The following SRARP variants were observed in gnomAD, a reference collection of about 807,000 sequenced individuals.
SRARP encodes the protein steroid receptor associated and regulated protein.
SRARP carries 5 observed loss-of-function variants against 3.6 expected under a neutral mutation model. That is an observed-to-expected ratio of 1.39 (90% CI 0.73 to 2.93). SRARP has a LOEUF of 2.93. SRARP is among the 30% of genes most tolerant of loss of function. The probability of loss-of-function intolerance (pLI) is 0.00; values close to 1 mark genes in which losing one functional copy is unlikely to be tolerated. For synonymous variants in SRARP, 96 were observed against 91.6 expected, an observed-to-expected ratio of 1.05 and a Z score of -0.27; for missense variants, 215 against 216.7, an observed-to-expected ratio of 0.99 and a Z score of 0.05.
Position 16,006,088 on chromosome 1 carries a change from CTG to C in SRARP, c.255_256del (p.Cys85TrpfsTer51). The C allele has an allele frequency of 1.2e-6, 2 of 1,613,962 alleles. No individual in the cohort carries two copies. The highest frequency in any genetic ancestry group is 2.2e-5 in the South Asian group (2 of 91,012). On this transcript the variant is annotated frameshift_variant, in exon 2 of 2. Coordinates refer to ENST00000329454, the MANE Select transcript of SRARP (RefSeq NM_178840.4). LOFTEE classifies it low-confidence loss of function (END_TRUNC). ...CACCAATGAAGACCTACATCGTGTT[CTG>C]TGGGGAAAACTGGCCCCATCTGACT... ...TPPMKTYIVF[C>X]GENWPHLTRV...
intron 1 of SRARP, 23 bp downstream of exon 1, chr1:16,004,408 C>T: frequency 6.4e-7 from 1 of 1,562,916 alleles, no homozygotes; most frequent in East Asian, 2.3e-5. Context: ...AAAGGGACCC[C>T]AGCCCCACAG....
intron 1 of SRARP, 59 bp from the exon 2 acceptor site, chr1:16,005,860 T>G: frequency 6.9e-7 from 1 of 1,452,406 alleles, no homozygotes; most frequent in Non-Finnish European, 9.3e-7. Context: ...AGACCCTGTC[T>G]CAGGGGAAAA....
chr1:16,004,488 G>A (rs959721655), intron 1 of SRARP, 103 bp downstream of exon 1: 6 of 1,035,544 alleles, frequency 5.8e-6, no homozygotes, highest in African/African-American at 1.6e-5. Flanking sequence ...GCCGAAGCGG[G>A]CAGATCATGA....
intron 1 of SRARP, 54 bp downstream of exon 1, chr1:16,004,439 G>A: frequency 6.8e-7 from 1 of 1,460,434 alleles, no homozygotes; most frequent in Non-Finnish European, 9.4e-7. Flanking sequence ...TGGGGGCCAG[G>A]TGCGGTGCCT....
In SRARP at chr1:16,004,320, A is replaced by T; in HGVS notation, c.17A>T (p.Asp6Val). 6.2e-7 allele frequency: 1 copy of T among 1,606,414 alleles called. No individual in the cohort carries two copies. The highest frequency in any genetic ancestry group is 8.5e-7 in the Non-Finnish European group (1 of 1,177,042). Reference sequence around the variant, plus strand: ...AGTAGCCGCATGGCCCCGTCAGAAGACCCCAGGGACTGGAGAGCCAACCTC... The same window carrying T: ...AGTAGCCGCATGGCCCCGTCAGAAGTCCCCAGGGACTGGAGAGCCAACCTC... MAPSE[D>V]PRDWRANLKG... Residue 6 changes from aspartate (D) to valine (V), a missense_variant, in exon 1 of 2, where the codon GAC becomes GTC. Physicochemically the swap from Asp to Val is radical, Grantham distance 152. Transcript: ENST00000329454.
Position 16,004,280 on chromosome 1 carries a change from C to A in SRARP, c.-24C>A. Reference sequence around the variant, plus strand: ...TAGGACAGCTCCTCTCCTGCCAGAGCTAGGCAGGCGCCGAAGTAGCCGCAT... The same window carrying A: ...TAGGACAGCTCCTCTCCTGCCAGAGATAGGCAGGCGCCGAAGTAGCCGCAT... On this transcript the variant is annotated 5_prime_UTR_variant, in exon 1 of 2. Transcript: ENST00000329454. 2 of 1,561,698 alleles carry A rather than the reference C, an allele frequency of 1.3e-6. No homozygotes were observed. Among genetic ancestry groups the A allele is most frequent in the Non-Finnish European group, 1.7e-6 (2 of 1,146,930 alleles).
At chr1:16,005,085 C>T (rs1459686734) in intron 1 of SRARP, among the ~76,000 whole-genome samples, 1 of 152,140 alleles carries the variant, frequency 6.6e-6, no homozygotes, top group Non-Finnish European at 1.5e-5. Context: ...GCAAATGCCA[C>T]CAGGTACTGA....
intron 1 of SRARP, among the ~76,000 whole-genome samples, chr1:16,005,165 C>T (rs2073119928): frequency 7.9e-5 from 12 of 152,116 alleles, no homozygotes; most frequent in Admixed American, 7.9e-4. Context: ...CCCTGAGACC[C>T]ACCAACACTT....
rs1011370704 is a variant in SRARP at position 16,006,456 on chromosome 1, T to C, written c.*110T>C. The C allele has an allele frequency of 6.5e-6, 8 of 1,224,534 alleles. No homozygotes were observed. The highest frequency in any genetic ancestry group is 9.0e-6 in the Non-Finnish European group (8 of 891,404). 75.9% of individuals were successfully genotyped at this position (1,224,534 alleles called of 1,614,324 possible). A position where few individuals can be genotyped will look rare whatever the true frequency, so the allele number is the denominator to read the frequency against. On this transcript the variant is annotated 3_prime_UTR_variant, in exon 2 of 2. Transcript: ENST00000329454. The stretch of plus-strand genomic sequence containing the variant: ...CTTGAGCCAAGGAAACATCATTAGA[T>C]CCGCTAAGGGGCATCTGAAACATCC...
intron 1 of SRARP, 119 bp downstream of exon 1, chr1:16,004,504 G>C (rs1206205547): frequency 2.4e-6 from 2 of 819,750 alleles, no homozygotes; most frequent in African/African-American, 3.5e-5. Context: ...CATGAGGTCA[G>C]GAGTTCGAGA....
At chr1:16,005,699 C>T (rs1246762181) in intron 1 of SRARP, among the ~76,000 whole-genome samples, 1 of 152,024 alleles carries the variant, frequency 6.6e-6, no homozygotes. Flanking sequence ...ATAGGGAAAC[C>T]TCATCTCTAC....
Position 16,007,835 on chromosome 1 carries a change from T to C in SRARP, c.*1489T>C, listed in dbSNP as rs959946399. The C allele has an allele frequency of 1.3e-5, 2 of 152,240 alleles. No individual in the cohort carries two copies. Among genetic ancestry groups the C allele is most frequent in the Non-Finnish European group, 2.9e-5 (2 of 68,042 alleles). 9.4% of individuals were successfully genotyped at this position (152,240 alleles called of 1,614,324 possible). On this transcript the variant is annotated 3_prime_UTR_variant, in exon 2 of 2. Transcript: ENST00000329454. ...TTTACTCTGTGTCAGAGAAACAACA[T>C]GGGCACTGTATTTGTGACCATTTTA... is the stretch of plus-strand genomic sequence containing the variant.
chr1:16,006,304 A>G lies in SRARP; in HGVS notation c.468A>G (p.Ser156=), dbSNP rs202237619. The G allele has an allele frequency of 3.7e-5, 60 of 1,610,700 alleles. No individual in the cohort carries two copies. The highest frequency in any genetic ancestry group is 4.7e-5 in the Non-Finnish European group (56 of 1,179,262). ...RSSTWGTVKD[S]LKALSSCVCG... is the part of the protein sequence containing the mutation. The stretch of plus-strand genomic sequence containing the variant: ...CAACTTGGGGAACAGTCAAGGACTC[A>G]CTGAAAGCCCTCTCCTCTTGTGTCT... Residue 156 remains serine, a synonymous_variant, in exon 2 of 2, where the codon TCA becomes TCG. Coordinates refer to ENST00000329454, the MANE Select transcript of SRARP (RefSeq NM_178840.4).
intron 1 of SRARP, among the ~76,000 whole-genome samples, chr1:16,005,547 AC>A (rs2148835008): frequency 6.6e-6 from 1 of 152,240 alleles, no homozygotes; most frequent in South Asian, 2.1e-4. Flanking sequence ...ATCCAGTTGA[AC>A]CCTATCGAAT....
In SRARP at chr1:16,006,496, G is replaced by A; in HGVS notation, c.*150G>A. On this transcript the variant is annotated 3_prime_UTR_variant, in exon 2 of 2. Transcript: ENST00000329454. ...CTGAAACATCCGTCGAGTGGCAGAG[G>A]CAGGATAAGTCACCTGCACATGAAG... is the stretch of plus-strand genomic sequence containing the variant. The A allele has an allele frequency of 1.2e-6, 1 of 849,170 alleles. No homozygotes were observed. The highest frequency in any genetic ancestry group is 1.8e-6 in the Non-Finnish European group (1 of 559,682). 52.6% of individuals were successfully genotyped at this position (849,170 alleles called of 1,614,324 possible).
At position 16,008,124 on chromosome 1, in the gene SRARP, G is replaced by C. The variant is rs1466418399; in HGVS notation, c.*1778G>C. The C allele has an allele frequency of 6.6e-6, 1 of 152,270 alleles. No individual in the cohort carries two copies. The highest frequency in any genetic ancestry group is 1.5e-5 in the Non-Finnish European group (1 of 68,082). 9.4% of individuals were successfully genotyped at this position (152,270 alleles called of 1,614,324 possible). On this transcript the variant is annotated 3_prime_UTR_variant, in exon 2 of 2. Transcript: ENST00000329454. Reference sequence around the variant, plus strand: ...ACAATTGCCATAGCTTCTGAGAAGTGCAACAGTAAGGGCAACACAGAATGA... The same window carrying C: ...ACAATTGCCATAGCTTCTGAGAAGTCCAACAGTAAGGGCAACACAGAATGA...
At position 16,006,240 on chromosome 1, in the gene SRARP, C is replaced by A. The variant is rs760325159; in HGVS notation, c.404C>A (p.Ala135Asp). The change falls in exon 2 of 2, where the codon GCT becomes GAT. Residue 135 changes from alanine to aspartate, a missense_variant. Coordinates refer to ENST00000329454, the MANE Select transcript of SRARP (RefSeq NM_178840.4). ...CTCTGCCCCCAGGAGGTTCCCGAGG[C>A]TAAGGGGAAACCCGTGAAGGCTGCG... is the stretch of plus-strand genomic sequence containing the variant. ...SPLCPQEVPE[A>D]KGKPVKAAPV... The A allele has an allele frequency of 1.4e-5, 22 of 1,613,530 alleles. No individual in the cohort carries two copies. Among genetic ancestry groups the A allele is most frequent in the Non-Finnish European group, 1.9e-5 (22 of 1,180,044 alleles).
At position 16,005,912 on chromosome 1, in the gene SRARP, C is replaced by T. The variant is rs2073124258; in HGVS notation, c.83-7C>T. The T allele has an allele frequency of 6.4e-7, 1 of 1,562,316 alleles. No homozygotes were observed. The highest frequency in any genetic ancestry group is 1.4e-5 in the African/African-American group (1 of 73,078). ...GTGCTAACTTTTGGTCTTTTCCTCT[C>T]TTCTAGGTGGGAAGCTGGCTGGCCA... On this transcript the variant is annotated splice_polypyrimidine_tract_variant and splice_region_variant and intron_variant, in intron 1 of 1. Coordinates refer to ENST00000329454, the MANE Select transcript of SRARP (RefSeq NM_178840.4).
chr1:16,006,471 C>G lies in SRARP; in HGVS notation c.*125C>G, dbSNP rs1477904751. On this transcript the variant is annotated 3_prime_UTR_variant, in exon 2 of 2. Coordinates refer to ENST00000329454, the MANE Select transcript of SRARP (RefSeq NM_178840.4). ...CATCATTAGATCCGCTAAGGGGCAT[C>G]TGAAACATCCGTCGAGTGGCAGAGG... is the stretch of plus-strand genomic sequence containing the variant. The G allele has an allele frequency of 2.7e-6, 3 of 1,091,868 alleles. No individual in the cohort carries two copies. Among genetic ancestry groups the G allele is most frequent in the Non-Finnish European group, 3.9e-6 (3 of 777,152 alleles). The allele number at this position is 1,091,868 out of a possible 1,614,324, so 67.6% of individuals were successfully genotyped here.
Sources: allele counts gnomAD v4.1 joint callset (sites outside exome capture counted in the v4.1 genomes callset), GRCh38; gene constraint gnomAD v4.1.1; transcripts MANE v1.5; gene names NCBI Gene and HGNC (gene_info 2026-07-23, HGNC 2026-07-21).